Variants in GABRB1 observed in about 807,000 individuals in gnomAD.
GABRB1 encodes gamma-aminobutyric acid type A receptor subunit beta1, also known as gamma-aminobutyric acid receptor subunit beta-1.
GABRB1 carries 17 observed loss-of-function variants against 51.6 expected under a neutral mutation model. The observed-to-expected ratio is 0.33, with a 90% confidence interval of 0.23 to 0.49. GABRB1 has a LOEUF of 0.49. Ranked by LOEUF, GABRB1 falls within the 20% of genes least tolerant of loss-of-function variation. The pLI is 0.99. For missense variants in GABRB1, 410 were observed against 600.6 expected, an observed-to-expected ratio of 0.68 and a Z score of 3.32; for synonymous variants, 247 against 218.9, an observed-to-expected ratio of 1.13 and a Z score of -1.14.
intron 1 of GABRB1, among the ~76,000 whole-genome samples, chr4:47,025,831 C>T (rs895412813): frequency 6.6e-6 from 1 of 151,992 alleles, no homozygotes; most frequent in African/African-American, 2.4e-5. Context: ...ATCCCCTCTC[C>T]TCTCACCACT....
chr4:47,327,808 G>T (rs543422212), intron 5 of GABRB1, among the ~76,000 whole-genome samples: 15 of 152,194 alleles, frequency 9.9e-5, no homozygotes, highest in African/African-American at 3.4e-4. Context: ...TTATTTTCTT[G>T]TCTACAAAAA....
chr4:46,996,923 A>T (rs1279956090), intron 1 of GABRB1, among the ~76,000 whole-genome samples: 3 of 152,102 alleles, frequency 2.0e-5, no homozygotes, highest in East Asian at 3.8e-4. Context: ...GAGGGTACTG[A>T]TGTGAATTAC....
chr4:47,012,373 A>G (rs1724606969), intron 1 of GABRB1, among the ~76,000 whole-genome samples: 1 of 151,924 alleles, frequency 6.6e-6, no homozygotes, highest in Non-Finnish European at 1.5e-5. Context: ...GATAGGCCAC[A>G]GTGTGTGTTG....
chr4:47,195,339 C>T lies in GABRB1; in HGVS notation c.461+33870C>T, dbSNP rs559459765. Among the ~76,000 whole-genome samples the T allele has an allele frequency of 3.4e-3, 521 of 151,418 alleles. 3 individuals are homozygous for T. The highest frequency in any genetic ancestry group is 0.012 in the African/African-American group (508 of 41,208). On this transcript the variant is annotated intron_variant, in intron 4 of 8. Transcript: ENST00000295454. ...CCAAGATCATGCCACTGCACTCCAG[C>T]CTGGGCACAGAGGGAGACTCCGTCT...
intron 3 of GABRB1, among the ~76,000 whole-genome samples, chr4:47,106,808 C>A (rs560965898): frequency 7.2e-5 from 11 of 152,082 alleles, no homozygotes; most frequent in Non-Finnish European, 1.6e-4. Flanking sequence ...ACAATAAATT[C>A]TGCAAAAATG....
chr4:47,161,554 G>T, intron 4 of GABRB1, 85 bp downstream of exon 4: 1 of 1,021,732 alleles, frequency 9.8e-7, no homozygotes, highest in Non-Finnish European at 1.5e-6. Flanking sequence ...GGGGAGAGAA[G>T]CAAGAATATA....
chr4:47,150,842 T>C (rs1263896419), intron 3 of GABRB1, among the ~76,000 whole-genome samples: 1 of 151,962 alleles, frequency 6.6e-6, no homozygotes, highest in Non-Finnish European at 1.5e-5. Flanking sequence ...AAGTATTATA[T>C]ATAAAATGAT....
intron 8 of GABRB1, among the ~76,000 whole-genome samples, chr4:47,412,625 T>C (rs893416869): frequency 4.6e-5 from 7 of 152,168 alleles, no homozygotes; most frequent in African/African-American, 1.7e-4. Flanking sequence ...CCAAGGTTCA[T>C]TGTCTCAACG....
intron 4 of GABRB1, among the ~76,000 whole-genome samples, chr4:47,227,630 G>A (rs1038647557): frequency 1.3e-5 from 2 of 152,096 alleles, no homozygotes; most frequent in Non-Finnish European, 2.9e-5. Context: ...TAGGACTTTT[G>A]TACACCCATG....
chr4:47,346,726 C>T (rs983400264), intron 5 of GABRB1, among the ~76,000 whole-genome samples: 4 of 152,238 alleles, frequency 2.6e-5, no homozygotes, highest in Non-Finnish European at 5.9e-5. Flanking sequence ...CGTGCCAATG[C>T]TATAGGCAGG....
At chr4:47,265,307 C>T (rs1011393233) in intron 4 of GABRB1, among the ~76,000 whole-genome samples, 6 of 152,006 alleles carry the variant, frequency 3.9e-5, no homozygotes, top group African/African-American at 1.2e-4. Context: ...GAAAAGTATT[C>T]CATGATATAT....
chr4:47,072,240 C>T (rs1577881348), intron 3 of GABRB1, among the ~76,000 whole-genome samples: 1 of 152,110 alleles, frequency 6.6e-6, no homozygotes, highest in East Asian at 1.9e-4. Flanking sequence ...GTAGTGGCTT[C>T]CTGTGGCTTT....
chr4:47,291,827 C>T (rs935861922), intron 4 of GABRB1, among the ~76,000 whole-genome samples: 1 of 152,200 alleles, frequency 6.6e-6, no homozygotes, highest in Non-Finnish European at 1.5e-5. Context: ...CCTGTACCCC[C>T]CACTGTATCT....
At chr4:47,068,666 G>C (rs1577877792) in intron 3 of GABRB1, among the ~76,000 whole-genome samples, 1 of 152,198 alleles carries the variant, frequency 6.6e-6, no homozygotes, top group East Asian at 1.9e-4. Context: ...TCTTATATGG[G>C]CATGATTCAT....
At chr4:46,993,681 C>T (rs1203551253), upstream of GABRB1, 13 of 399,766 alleles carry the variant, frequency 3.3e-5, no homozygotes, top group Non-Finnish European at 6.0e-5. Context: ...CCGCTCCACA[C>T]CCTTTCGTGC....
At chr4:47,127,683 G>C (rs544167486) in intron 3 of GABRB1, among the ~76,000 whole-genome samples, 48 of 151,886 alleles carry the variant, frequency 3.2e-4, no homozygotes, top group African/African-American at 1.1e-3. Flanking sequence ...AAACTCTTTT[G>C]TTTCCCTTTC....
At chr4:47,131,628 T>C (rs766274229) in intron 3 of GABRB1, among the ~76,000 whole-genome samples, 5 of 152,190 alleles carry the variant, frequency 3.3e-5, no homozygotes, top group Non-Finnish European at 5.9e-5. Context: ...AGTGGGCATA[T>C]TGGCCAGACT....
rs540734968 is a variant in GABRB1 at position 47,019,299 on chromosome 4, G to A, written c.-19-12615G>A. Among the ~76,000 whole-genome samples the A allele has an allele frequency of 9.9e-5, 15 of 151,918 alleles. 1 individual carries two copies. Among genetic ancestry groups the A allele is most frequent in the African/African-American group, 2.7e-4 (11 of 41,438 alleles). On this transcript the variant is annotated intron_variant, in intron 1 of 3. Transcript: ENST00000513567. ...TCTTTCTACCTGTTTCTTCTTTGTC[G>A]CTCTTTCTAGTTTCTTTTTGTCTAC...
chr4:47,284,977 T>A (rs1172197196), intron 4 of GABRB1, among the ~76,000 whole-genome samples: 2 of 152,222 alleles, frequency 1.3e-5, no homozygotes, highest in Non-Finnish European at 2.9e-5. Flanking sequence ...TCGTACCCCA[T>A]GAAATAAGGA....
Sources: allele counts gnomAD v4.1 joint callset (sites outside exome capture counted in the v4.1 genomes callset), GRCh38; gene constraint gnomAD v4.1.1; transcripts MANE v1.5; gene names NCBI Gene and HGNC (gene_info 2026-07-23, HGNC 2026-07-21).